Variants in TGM5 observed in about 807,000 individuals in gnomAD.
TGM5 encodes the protein protein-glutamine gamma-glutamyltransferase 5.
TGM5 carries 69 observed loss-of-function variants against 77.2 expected under a neutral mutation model. That is an observed-to-expected ratio of 0.89 (90% confidence interval 0.74 to 1.09). The LOEUF is 1.09. Ranked by LOEUF, TGM5 falls within the 50% of genes least tolerant of loss-of-function variation. The pLI is 0.00. For missense variants in TGM5, 842 were observed against 896.5 expected, an observed-to-expected ratio of 0.94 and a Z score of 0.78; for synonymous variants, 346 against 351.8, an observed-to-expected ratio of 0.98 and a Z score of 0.18.
At chr15:43,258,074 G>C (rs1472102531) in intron 3 of TGM5, among the ~76,000 whole-genome samples, 1 of 152,050 alleles carries the variant, frequency 6.6e-6, no homozygotes, top group Non-Finnish European at 1.5e-5. Flanking sequence ...ACCAGGGCCT[G>C]TCGTGGGGTG....
intron 7 of TGM5, chr15:43,239,510 C>G: frequency 5.7e-6 from 3 of 524,864 alleles, no homozygotes; most frequent in East Asian, 3.3e-5. Context: ...AGGAAGATCT[C>G]GTCTCAAAAA....
chr15:43,260,027 G>A (rs1157926592), intron 3 of TGM5, 25 bp downstream of exon 3: 12 of 1,612,458 alleles, frequency 7.4e-6, no homozygotes, highest in Non-Finnish European at 1.0e-5. Context: ...AGAAAGGAGG[G>A]CACCGCCTGG....
chr15:43,246,062 C>T (rs1242627886), intron 6 of TGM5, among the ~76,000 whole-genome samples: 1 of 152,012 alleles, frequency 6.6e-6, no homozygotes, highest in Non-Finnish European at 1.5e-5. Context: ...TTTAAAAGAC[C>T]TCTAGTCAAA....
intron 3 of TGM5, 119 bp from the exon 4 acceptor site, chr15:43,256,805 G>A: frequency 1.3e-6 from 1 of 773,910 alleles, no homozygotes; most frequent in Admixed American, 1.8e-5. Context: ...GCGACACCAA[G>A]AGGGGCACGA....
intron 6 of TGM5, among the ~76,000 whole-genome samples, chr15:43,247,214 A>G (rs1352037828): frequency 6.6e-6 from 1 of 152,114 alleles, no homozygotes; most frequent in Non-Finnish European, 1.5e-5. Flanking sequence ...TCTGCAAGGA[A>G]TTTGTTATTG....
At chr15:43,258,363 T>C (rs112080200) in intron 3 of TGM5, among the ~76,000 whole-genome samples, 4,820 of 151,930 alleles carry the variant, frequency 0.032, 253 homozygotes, top group African/African-American at 0.11. Context: ...ACATAGCAAA[T>C]CTGTATGTGT....
intron 6 of TGM5, among the ~76,000 whole-genome samples, chr15:43,248,485 A>G (rs530619151): frequency 3.5e-4 from 53 of 152,288 alleles, no homozygotes; most frequent in Non-Finnish European, 6.3e-4. Flanking sequence ...ACAACTTTTG[A>G]ATAAGACCCA....
intron 7 of TGM5, 29 bp from the exon 8 acceptor site, chr15:43,239,295 T>C (rs2042616919): frequency 1.2e-6 from 2 of 1,607,050 alleles, no homozygotes; most frequent in Non-Finnish European, 1.7e-6. Flanking sequence ...AGGGAGACGT[T>C]GTACTGCTTG....
At chr15:43,251,227 C>G (rs746764769) in intron 6 of TGM5, among the ~76,000 whole-genome samples, 2 of 152,056 alleles carry the variant, frequency 1.3e-5, no homozygotes, top group Non-Finnish European at 2.9e-5. Flanking sequence ...ACTCATCCAA[C>G]TCAACTCATC....
At position 43,239,043 on chromosome 15, in the gene TGM5, A is replaced by G; in HGVS notation, c.1119T>C (p.Cys373=). 1.2e-6 allele frequency: 2 copies of G among 1,613,924 alleles called. No individual in the cohort carries two copies. The highest frequency in any genetic ancestry group is 8.5e-7 in the Non-Finnish European group (1 of 1,179,976). The change falls in exon 9 of 13, where the codon TGT becomes TGC. Residue 373 remains cysteine, a synonymous_variant. Transcript: ENST00000220420. ...PQEMSNGVYC[C]GPASVRAIKE... is the part of the protein sequence containing the mutation. Reference sequence around the variant, plus strand: ...TGATGGCTCTGACAGAGGCAGGGCCACAGCAGTAGACGCCTGAAGGAGAAC... The same window carrying G: ...TGATGGCTCTGACAGAGGCAGGGCCGCAGCAGTAGACGCCTGAAGGAGAAC...
At chr15:43,246,093 A>G (rs959894621) in intron 6 of TGM5, among the ~76,000 whole-genome samples, 1 of 152,174 alleles carries the variant, frequency 6.6e-6, no homozygotes, top group Non-Finnish European at 1.5e-5. Context: ...TGAATATTTT[A>G]TATCTAACTT....
In TGM5 at chr15:43,234,908, A is replaced by C; in HGVS notation, c.1736T>G (p.Ile579Ser). 3 of 1,614,042 alleles carry C rather than the reference A, an allele frequency of 1.9e-6. No individual in the cohort carries two copies. The highest frequency in any genetic ancestry group is 1.7e-4 in the Middle Eastern group (1 of 6,060). ...PKEAKTYPCK[I>S]SYSQYSQYLS... ...GTACTGGCTGTACTGGGAATAGGAGATTTTGCAGGGGTAGGTCTTTGCTAA... is the reference window on the plus strand; with the variant it reads ...GTACTGGCTGTACTGGGAATAGGAGCTTTTGCAGGGGTAGGTCTTTGCTAA... The change falls in exon 11 of 13, where the codon ATC (isoleucine) becomes AGC (serine). Residue 579 changes from isoleucine (I) to serine (S), a missense_variant. Transcript: ENST00000220420.
chr15:43,256,496 C>T (rs1003396698), intron 4 of TGM5, 72 bp downstream of exon 4: 343 of 1,172,568 alleles, frequency 2.9e-4, no homozygotes, highest in Non-Finnish European at 4.1e-4. Flanking sequence ...CTAGGTGAAG[C>T]TCACATGTGC....
chr15:43,260,038 G>C lies in TGM5; in HGVS notation c.436+14C>G, dbSNP rs200061750. 1.4e-5 allele frequency: 23 copies of C among 1,612,860 alleles called. No homozygotes were observed. The African/African-American group carries it at 2.9e-4, about 21-fold the overall frequency. ...GAAGAGAAAGGAGGGCACCGCCTGG[G>C]CACCCAGCCTTACCTGGGCACCAGG... On this transcript the variant is annotated intron_variant, in intron 3 of 12. Transcript: ENST00000220420.
intron 9 of TGM5, among the ~76,000 whole-genome samples, chr15:43,236,962 C>A (rs1275401599): frequency 8.1e-6 from 1 of 123,330 alleles, no homozygotes; most frequent in Non-Finnish European, 1.6e-5. Flanking sequence ...GAGCAAGACT[C>A]TGTCTCAAAA....
chr15:43,234,846 C>G lies in TGM5; in HGVS notation c.1798G>C (p.Gly600Arg). The G allele has an allele frequency of 6.2e-7, 1 of 1,614,150 alleles. No homozygotes were observed. The highest frequency in any genetic ancestry group is 8.5e-7 in the Non-Finnish European group (1 of 1,180,010). The change falls in exon 11 of 13, where the codon GGT (glycine) becomes CGT (arginine). Residue 600 changes from glycine (G) to arginine (R), a missense_variant. Physicochemically the swap from Gly to Arg is moderately radical, Grantham distance 125. Transcript: ENST00000220420. ...TDKLIRISALGEEKSSPEKIL... is the reference protein window; with the variant it reads ...TDKLIRISALREEKSSPEKIL... ...TTCTCAGGACTGCTTTTCTCTTCAC[C>G]CAGGGCACTGATGCGGATCAGCTTG...
chr15:43,249,852 G>A (rs887165783), intron 6 of TGM5, among the ~76,000 whole-genome samples: 7 of 152,242 alleles, frequency 4.6e-5, no homozygotes, highest in African/African-American at 1.7e-4. Flanking sequence ...TCTATGGGAA[G>A]TTGAAGTCAA....
chr15:43,252,152 C>G lies in TGM5; in HGVS notation c.862+607G>C, dbSNP rs558807626. Reference sequence around the variant, plus strand: ...CTCTCATCTCATTTCTGTCTTGAACCTAGACAGTTCCCAGCCAAGCTCTTA... The same window carrying G: ...CTCTCATCTCATTTCTGTCTTGAACGTAGACAGTTCCCAGCCAAGCTCTTA... On this transcript the variant is annotated intron_variant, in intron 6 of 12. Coordinates refer to ENST00000220420, the MANE Select transcript of TGM5 (RefSeq NM_201631.4). 3.3e-5 allele frequency among the ~76,000 whole-genome samples: 5 copies of G among 152,344 alleles called. No homozygotes were observed. In the East Asian group the frequency reaches 7.7e-4, roughly 24 times the overall value.
At chr15:43,239,390 C>T in intron 7 of TGM5, 124 bp from the exon 8 acceptor site, 1 of 971,912 alleles carries the variant, frequency 1.0e-6, no homozygotes, top group Non-Finnish European at 1.6e-6. Flanking sequence ...GGCTTAAAAC[C>T]TCTGTGGATA....
Sources: allele counts gnomAD v4.1 joint callset (sites outside exome capture counted in the v4.1 genomes callset), GRCh38; gene constraint gnomAD v4.1.1; transcripts MANE v1.5; gene names NCBI Gene and HGNC (gene_info 2026-07-23, HGNC 2026-07-21).